Variants in PPP1R42 observed in about 807,000 individuals in gnomAD.
PPP1R42 encodes leucine rich repeat containing 67.
Under a neutral mutation model 31.0 loss-of-function variants are expected in PPP1R42, and 34 were observed. That is an observed-to-expected ratio of 1.10 (90% CI 0.83 to 1.46). The LOEUF (loss-of-function observed/expected upper bound fraction) is 1.46. Ranked by LOEUF, PPP1R42 falls within the 40% of genes most tolerant of loss-of-function variation. The pLI is 0.00. For missense variants in PPP1R42, 268 were observed against 303.0 expected (o/e 0.88, Z 0.86); for synonymous variants, 103 against 109.8 (o/e 0.94, Z 0.39).
rs372571846 is a variant in PPP1R42, at chr8:66,966,867, TG to T, written c.803-2534del. On this transcript the variant is annotated intron_variant, in intron 7 of 7. Coordinates refer to ENST00000685739, the MANE Select transcript of PPP1R42 (RefSeq NM_001364910.1). ...AAAATGGAAAATAATATAATTCTTT[TG>T]AATTAGATCTTATATAACTCTTGTT... Among the ~76,000 whole-genome samples the T allele has an allele frequency of 1.8e-4, 27 of 152,354 alleles. 1 individual carries two copies. In the South Asian group the frequency reaches 1.9e-3, roughly 11 times the overall value.
rs888949171 is a variant in PPP1R42, at chr8:66,984,833, T to C, written c.671-2653A>G. ...TCTGGAGGAGGCATCAGGCCCAGCCTGACTTTTTCTAGTAGTTCCTTCTGT... is the reference window on the plus strand; with the variant it reads ...TCTGGAGGAGGCATCAGGCCCAGCCCGACTTTTTCTAGTAGTTCCTTCTGT... On this transcript the variant is annotated intron_variant, in intron 6 of 7. Coordinates refer to ENST00000685739, the MANE Select transcript of PPP1R42 (RefSeq NM_001364910.1). 5.6e-6 allele frequency: 9 copies of C among 1,598,188 alleles called. No homozygotes were observed. The African/African-American group carries it at 1.1e-4, about 19-fold the overall frequency.
In PPP1R42 at chr8:67,013,062, C is replaced by T. The variant is rs768630285; in HGVS notation, c.331G>A (p.Gly111Ser). 51 of 1,605,582 alleles carry T rather than the reference C, an allele frequency of 3.2e-5. No individual in the cohort carries two copies. Among genetic ancestry groups the T allele is most frequent in the Non-Finnish European group, 4.3e-5 (51 of 1,176,872 alleles). The change falls in exon 4 of 8, where the codon GGT becomes AGT. Residue 111 changes from glycine (G) to serine (S), a missense_variant. By Grantham distance (56) the Gly-to-Ser change is moderately conservative. Coordinates refer to ENST00000685739, the MANE Select transcript of PPP1R42 (RefSeq NM_001364910.1). ...CTTAGTTCTCCTAATCCTTCTAAAC[C>T]TTCTATGACAGCAATGTAATTGCCT... ...LGGNYIAVIE[G>S]LEGLGELREL...
At chr8:66,994,084 A>G (rs558369865) in intron 5 of PPP1R42, among the ~76,000 whole-genome samples, 1 of 152,110 alleles carries the variant, frequency 6.6e-6, no homozygotes, top group Admixed American at 6.5e-5. Context: ...CCAGTTTTGG[A>G]TTAAGGAATA....
chr8:66,998,811 C>T (rs1387784117), intron 5 of PPP1R42, among the ~76,000 whole-genome samples: 4 of 152,102 alleles, frequency 2.6e-5, no homozygotes, highest in Non-Finnish European at 5.9e-5. Flanking sequence ...TATAATATTT[C>T]TCCTTTATTC....
At chr8:66,997,045 C>T (rs879459410) in intron 5 of PPP1R42, among the ~76,000 whole-genome samples, 5 of 152,044 alleles carry the variant, frequency 3.3e-5, no homozygotes, top group South Asian at 2.1e-4. Context: ...CTCAGCTACT[C>T]GGAAGGCTGA....
At chr8:66,985,788 G>T in intron 6 of PPP1R42, 2 of 1,219,744 alleles carry the variant, frequency 1.6e-6, no homozygotes, top group Non-Finnish European at 2.4e-6. Context: ...ATTTTGCTGC[G>T]TCCATCATCT....
intron 5 of PPP1R42, among the ~76,000 whole-genome samples, chr8:66,989,756 T>C (rs1815134894): frequency 6.6e-6 from 1 of 152,214 alleles, no homozygotes; most frequent in African/African-American, 2.4e-5. Flanking sequence ...AAGACATTGT[T>C]TTTTTAAAAA....
rs577232404 is a variant in PPP1R42, at chr8:67,004,006, C to T, written c.552+6709G>A. Reference sequence around the variant, plus strand: ...TCGGGAGGCTGAGGAAGGAGAATGGCGTTAACCTGGGAGGTGGAGCTGGCA... The same window carrying T: ...TCGGGAGGCTGAGGAAGGAGAATGGTGTTAACCTGGGAGGTGGAGCTGGCA... On this transcript the variant is annotated intron_variant, in intron 5 of 7. Coordinates refer to ENST00000685739, the MANE Select transcript of PPP1R42 (RefSeq NM_001364910.1). Among the ~76,000 whole-genome samples the T allele has an allele frequency of 5.9e-5, 9 of 151,618 alleles. No homozygotes were observed. The South Asian group carries it at 1.2e-3, about 21-fold the overall frequency.
chr8:66,985,413 A>T, intron 6 of PPP1R42: 1 of 760,668 alleles, frequency 1.3e-6, no homozygotes, highest in East Asian at 2.5e-5. Flanking sequence ...GTGTCAGCTC[A>T]ATCTCCTTGC....
At chr8:66,988,207 CT>C in intron 6 of PPP1R42, 192 bp downstream of exon 6, 1 of 1,221,044 alleles carries the variant, frequency 8.2e-7, no homozygotes, top group African/African-American at 1.6e-5. Context: ...TTAATTACTT[CT>C]GAACAGCAGA....
intron 1 of PPP1R42, among the ~76,000 whole-genome samples, chr8:67,026,061 C>CTCATGA (rs1368546199): frequency 3.1e-5 from 4 of 130,956 alleles, no homozygotes. Flanking sequence ...TGTGGCCGGG[C>CTCATGA]GCGGTGGCTC....
At chr8:67,026,147 C>A (rs994273714) in intron 1 of PPP1R42, among the ~76,000 whole-genome samples, 1 of 150,130 alleles carries the variant, frequency 6.7e-6, no homozygotes, top group Non-Finnish European at 1.5e-5. Flanking sequence ...ACCAGCCTGA[C>A]CAATATGATG....
chr8:67,005,180 C>T (rs1815636717), intron 5 of PPP1R42, among the ~76,000 whole-genome samples: 1 of 145,894 alleles, frequency 6.9e-6, no homozygotes, highest in Non-Finnish European at 1.5e-5. Flanking sequence ...TCAACTTCTT[C>T]ACAAATTAAA....
intron 5 of PPP1R42, among the ~76,000 whole-genome samples, chr8:66,998,019 G>A (rs999504789): frequency 4.6e-5 from 7 of 152,168 alleles, no homozygotes; most frequent in Admixed American, 3.3e-4. Context: ...AACCATGCAT[G>A]TGTAGGGGCA....
chr8:66,984,439 A>C, intron 6 of PPP1R42: 1 of 1,291,214 alleles, frequency 7.7e-7, no homozygotes, highest in Non-Finnish European at 1.1e-6. Flanking sequence ...TTCCACTACT[A>C]CCACGTTGAC....
intron 1 of PPP1R42, among the ~76,000 whole-genome samples, chr8:67,018,239 C>T (rs1259553698): frequency 6.7e-6 from 1 of 150,256 alleles, no homozygotes; most frequent in African/African-American, 2.5e-5. Flanking sequence ...TCACAAGCCT[C>T]CCGAGTAGCT....
chr8:66,984,175 C>T, intron 6 of PPP1R42: 1 of 1,587,728 alleles, frequency 6.3e-7, no homozygotes, highest in Non-Finnish European at 8.6e-7. Flanking sequence ...CGCAAGGTCC[C>T]AGTAATGTTC....
rs1585646540 is a variant in PPP1R42, at chr8:66,985,634, C to T, written c.670+2766G>A. The T allele has an allele frequency of 1.3e-5, 17 of 1,356,520 alleles. No individual in the cohort carries two copies. The South Asian group carries it at 1.5e-4, about 12-fold the overall frequency. 84.0% of individuals were successfully genotyped at this position (1,356,520 alleles called of 1,614,324 possible). On this transcript the variant is annotated intron_variant, in intron 6 of 7. Transcript: ENST00000685739. ...GCTGTTTTCCTTGCCTTCTCAATGG[C>T]ATCATTCATGAAAGTGGCACCCTGG...
At chr8:66,970,814 G>T in intron 7 of PPP1R42, 1 of 650,994 alleles carries the variant, frequency 1.5e-6, no homozygotes, top group Non-Finnish European at 2.8e-6. Context: ...TGTTTGGGCA[G>T]ACCAACAATG....
Sources: allele counts gnomAD v4.1 joint callset (sites outside exome capture counted in the v4.1 genomes callset), GRCh38; gene constraint gnomAD v4.1.1; transcripts MANE v1.5; gene names NCBI Gene and HGNC (gene_info 2026-07-23, HGNC 2026-07-21).